MANBA: variants seen among roughly 807,000 people sequenced by gnomAD.
The protein encoded by MANBA is mannosidase beta, also known as beta-mannosidase.
Under a neutral mutation model 111.1 loss-of-function variants are expected in MANBA, and 83 were observed. The observed-to-expected ratio is 0.75, with a 90% CI of 0.63 to 0.90. The LOEUF is 0.90. Ranked by LOEUF, MANBA falls within the 40% of genes least tolerant of loss-of-function variation. MANBA has a pLI of 0.00. For synonymous variants in MANBA, 370 were observed against 378.7 expected, an observed-to-expected ratio of 0.98 and a Z score of 0.27; for missense variants, 1,036 against 1,069.0, an observed-to-expected ratio of 0.97 and a Z score of 0.43.
chr4:102,706,726 T>G (rs1013665521), intron 5 of MANBA, among the ~76,000 whole-genome samples: 2 of 151,726 alleles, frequency 1.3e-5, no homozygotes, highest in African/African-American at 4.8e-5. Context: ...AAAGTATCAA[T>G]AAGAAATTTA....
At chr4:102,748,680 C>T (rs911170655) in intron 1 of MANBA, among the ~76,000 whole-genome samples, 1 of 152,018 alleles carries the variant, frequency 6.6e-6, no homozygotes, top group African/African-American at 2.4e-5. Context: ...TTTGGGGGGC[C>T]GAGGTGGGCG....
chr4:102,676,184 C>A (rs1731718997), intron 7 of MANBA, among the ~76,000 whole-genome samples: 1 of 152,086 alleles, frequency 6.6e-6, no homozygotes, highest in Non-Finnish European at 1.5e-5. Flanking sequence ...TAATAACTTA[C>A]CTTTTTGTGC....
At chr4:102,716,465 C>T (rs776650590) in intron 4 of MANBA, among the ~76,000 whole-genome samples, 4 of 152,046 alleles carry the variant, frequency 2.6e-5, no homozygotes, top group Non-Finnish European at 4.4e-5. Context: ...GCAATCAGTT[C>T]GATCTTTAGC....
chr4:102,638,466 T>C (rs1318644851), intron 14 of MANBA, among the ~76,000 whole-genome samples: 2 of 103,160 alleles, frequency 1.9e-5, no homozygotes, highest in African/African-American at 8.3e-5. Context: ...ACTTAGAGTT[T>C]GAGTGTCTTG....
At chr4:102,633,999 CAA>C (rs1729504334) in intron 16 of MANBA, among the ~76,000 whole-genome samples, 1 of 151,968 alleles carries the variant, frequency 6.6e-6, no homozygotes, top group African/African-American at 2.4e-5. Context: ...AAGTGTAAAA[CAA>C]ATTTAAAATT....
intron 7 of MANBA, among the ~76,000 whole-genome samples, chr4:102,675,811 A>C (rs925718818): frequency 1.3e-5 from 2 of 152,042 alleles, no homozygotes; most frequent in South Asian, 4.1e-4. Context: ...TATCTCTACT[A>C]AATACAAAAA....
intron 13 of MANBA, among the ~76,000 whole-genome samples, chr4:102,643,122 C>A (rs978269647): frequency 6.6e-6 from 1 of 152,170 alleles, no homozygotes; most frequent in Non-Finnish European, 1.5e-5. Context: ...CCCATCCTCC[C>A]CTCTCCCCGG....
chr4:102,699,193 A>T (rs1255035305), intron 5 of MANBA, among the ~76,000 whole-genome samples: 3,932 of 151,608 alleles, frequency 0.026, 109 homozygotes, highest in African/African-American at 0.073. Flanking sequence ...CTTGTGATTT[A>T]TATACATTGA....
chr4:102,640,942 T>C (rs1729853081), intron 13 of MANBA, among the ~76,000 whole-genome samples: 1 of 152,086 alleles, frequency 6.6e-6, no homozygotes. Context: ...ATATGTTACA[T>C]ACTGAGAATG....
At chr4:102,706,163 T>C (rs1733288592) in intron 5 of MANBA, among the ~76,000 whole-genome samples, 1 of 152,122 alleles carries the variant, frequency 6.6e-6, no homozygotes, top group Non-Finnish European at 1.5e-5. Flanking sequence ...ATGCTTGGAC[T>C]CACTAACACC....
At chr4:102,739,089 A>T (rs1723314723) in intron 1 of MANBA, among the ~76,000 whole-genome samples, 2 of 152,338 alleles carry the variant, frequency 1.3e-5, no homozygotes, top group South Asian at 4.1e-4. Context: ...GAGAAGATAC[A>T]AATAAGCTCA....
chr4:102,729,800 G>T, intron 1 of MANBA: 1 of 1,184,166 alleles, frequency 8.4e-7, no homozygotes, highest in Non-Finnish European at 1.3e-6. Flanking sequence ...GCTGCAGGAG[G>T]CTCCACTTAG....
intron 12 of MANBA, among the ~76,000 whole-genome samples, chr4:102,654,862 G>A (rs1195082475): frequency 6.6e-6 from 1 of 151,938 alleles, no homozygotes; most frequent in African/African-American, 2.4e-5. Flanking sequence ...TGAAATAAAA[G>A]GCTTCCAGAT....
chr4:102,707,127 C>G (rs1157806105), intron 5 of MANBA, among the ~76,000 whole-genome samples: 1 of 152,132 alleles, frequency 6.6e-6, no homozygotes, highest in Non-Finnish European at 1.5e-5. Flanking sequence ...TGGCACATTA[C>G]AGTCAAACTG....
At chr4:102,741,774 G>A (rs1194943510) in intron 1 of MANBA, among the ~76,000 whole-genome samples, 1 of 152,166 alleles carries the variant, frequency 6.6e-6, no homozygotes, top group East Asian at 1.9e-4. Context: ...AGACTTGCAG[G>A]GAAGGATGGG....
intron 7 of MANBA, among the ~76,000 whole-genome samples, chr4:102,687,105 G>A (rs1732251569): frequency 6.6e-6 from 1 of 152,062 alleles, no homozygotes; most frequent in Admixed American, 6.6e-5. Flanking sequence ...TGCCTGTTCA[G>A]AGGCTGCCTG....
In MANBA at chr4:102,650,356, T is replaced by C. The variant is rs142510107; in HGVS notation, c.1869+181A>G. Among the ~76,000 whole-genome samples the C allele has an allele frequency of 9.2e-3, 1,395 of 152,342 alleles. 82 individuals carry two copies. Among genetic ancestry groups the C allele is most frequent in the Admixed American group, 0.079 (1,212 of 15,296 alleles). On this transcript the variant is annotated intron_variant, in intron 13 of 16. Transcript: ENST00000647097. ...GAGCTGTTTTTGTAAGAGAGGCAAA[T>C]GCCAAAAATGAACTATTTCATGTCC...
intron 4 of MANBA, chr4:102,722,626 CCTTT>C: frequency 2.0e-6 from 1 of 492,042 alleles, no homozygotes; most frequent in East Asian, 3.7e-5. Context: ...ACATATTTTT[CCTTT>C]CTTTTTCTGT....
intron 4 of MANBA, among the ~76,000 whole-genome samples, chr4:102,720,837 G>T (rs578210666): frequency 2.6e-5 from 4 of 152,140 alleles, no homozygotes; most frequent in African/African-American, 9.7e-5. Flanking sequence ...AGTTTAGGTA[G>T]GTTGAATCAA....
Sources: allele counts gnomAD v4.1 joint callset (sites outside exome capture counted in the v4.1 genomes callset), GRCh38; gene constraint gnomAD v4.1.1; transcripts MANE v1.5; gene names NCBI Gene and HGNC (gene_info 2026-07-23, HGNC 2026-07-21).